The following NCAPG variants were observed in gnomAD, a reference collection of about 807,000 sequenced individuals.
NCAPG encodes the protein non-SMC condensin I complex subunit G, also known as condensin complex subunit 3.
A neutral mutation model predicts 113.1 loss-of-function variants in NCAPG; 69 were observed. The observed-to-expected ratio is 0.61, with a 90% CI of 0.50 to 0.75. The LOEUF (loss-of-function observed/expected upper bound fraction) is 0.75. Among genes scored for constraint, NCAPG ranks in the 30% least tolerant of loss-of-function variants. NCAPG has a pLI of 0.00. For missense variants in NCAPG, 1,058 were observed against 1,177.0 expected (o/e 0.90, Z 1.48); for synonymous variants, 370 against 415.8 (o/e 0.89, Z 1.34).
At position 17,811,639 on chromosome 4, in the gene NCAPG, C is replaced by G. The variant is rs1054552820; in HGVS notation, c.111+451C>G. Among the ~76,000 whole-genome samples the G allele has an allele frequency of 2.6e-5, 4 of 152,182 alleles. No homozygotes were observed. Among genetic ancestry groups the G allele is most frequent in the African/African-American group, 9.7e-5 (4 of 41,438 alleles). ...TGATTCTACCCTTGTCCTACGGTTA[C>G]GTTGAATCCAATCACCAAATACCAA... On this transcript the variant is annotated intron_variant, in intron 1 of 20. Coordinates refer to ENST00000251496, the MANE Select transcript of NCAPG (RefSeq NM_022346.5). This position sits in a 1 kb window ranked among gnomAD's most constrained non-coding sequence, Gnocchi z 5.3.
intron 12 of NCAPG, 31 bp from the exon 13 acceptor site, chr4:17,830,966 A>C (rs764490441): frequency 1.3e-6 from 2 of 1,597,738 alleles, no homozygotes; most frequent in East Asian, 4.5e-5. Flanking sequence ...AGATCTATGA[A>C]ATCATATGGA....
rs748530489 is a variant in NCAPG, at chr4:17,825,544, G to A, written c.1636G>A (p.Glu546Lys). The A allele has an allele frequency of 4.4e-6, 7 of 1,594,582 alleles. No individual in the cohort carries two copies. Among genetic ancestry groups the A allele is most frequent in the Non-Finnish European group, 5.1e-6 (6 of 1,174,962 alleles). Residue 546 changes from glutamate (E) to lysine (K), a missense_variant, in exon 11 of 21, where the codon GAA becomes AAA. Glu to Lys is a moderately conservative substitution (Grantham distance 56, BLOSUM62 1). Coordinates refer to ENST00000251496, the MANE Select transcript of NCAPG (RefSeq NM_022346.5). Reference sequence around the variant, plus strand: ...AGAGACAGAGCAACTTGAAATTAAAGAAGTCCACATAGAGAAGGTACAGGT... The same window carrying A: ...AGAGACAGAGCAACTTGAAATTAAAAAAGTCCACATAGAGAAGGTACAGGT... ...LKETEQLEIK[E>K]VHIEKNDAET... is the part of the protein sequence containing the mutation.
At chr4:17,830,917 A>G in intron 12 of NCAPG, 80 bp from the exon 13 acceptor site, 1 of 1,410,056 alleles carries the variant, frequency 7.1e-7, no homozygotes, top group Non-Finnish European at 9.7e-7. Context: ...AAAGTGAAAA[A>G]TGACACCTTT....
intron 20 of NCAPG, 52 bp downstream of exon 20, chr4:17,842,431 C>T (rs1163920644): frequency 6.8e-7 from 1 of 1,468,614 alleles, no homozygotes; most frequent in Admixed American, 1.8e-5. Context: ...CTTTTTATTT[C>T]TACAAGTAGA....
chr4:17,811,095 G>A lies in NCAPG; in HGVS notation c.18G>A (p.Arg6=). 2.0e-6 allele frequency: 3 copies of A among 1,527,770 alleles called. No individual in the cohort carries two copies. The highest frequency in any genetic ancestry group is 2.6e-6 in the Non-Finnish European group (3 of 1,137,160). 94.6% of individuals were successfully genotyped at this position (1,527,770 alleles called of 1,614,324 possible). ...CCAGAGCCATGGGAGCGGAAAGGAG[G>A]CTGCTGTCGATTAAGGAGGCCTTTC... MGAER[R]LLSIKEAFRL... is the part of the protein sequence containing the mutation. The change falls in exon 1 of 21, where the codon AGG becomes AGA. Residue 6 remains arginine (R), a synonymous_variant. Coordinates refer to ENST00000251496, the MANE Select transcript of NCAPG (RefSeq NM_022346.5). This position sits in a 1 kb window ranked among gnomAD's most constrained non-coding sequence, Gnocchi z 5.3.
At chr4:17,828,031 C>A (rs1231827440) in intron 11 of NCAPG, among the ~76,000 whole-genome samples, 1 of 151,984 alleles carries the variant, frequency 6.6e-6, no homozygotes, top group African/African-American at 2.4e-5. Context: ...AAATTCCTGA[C>A]CTTAAGTGAT....
At chr4:17,816,357 C>T (rs948599054) in intron 5 of NCAPG, among the ~76,000 whole-genome samples, 1 of 152,170 alleles carries the variant, frequency 6.6e-6, no homozygotes, top group African/African-American at 2.4e-5. Context: ...TTACCTCCTC[C>T]TGTGCGGCCC....
At chr4:17,815,153 G>A (rs1721150979) in intron 4 of NCAPG, 121 bp from the exon 5 acceptor site, 1 of 1,235,086 alleles carries the variant, frequency 8.1e-7, no homozygotes. Flanking sequence ...ACTGTATTAA[G>A]TATGTTACCA....
chr4:17,830,919 G>T (rs1477521225), intron 12 of NCAPG, 78 bp from the exon 13 acceptor site: 2 of 1,411,094 alleles, frequency 1.4e-6, no homozygotes, highest in South Asian at 1.3e-5. Context: ...AGTGAAAAAT[G>T]ACACCTTTGA....
chr4:17,840,276 A>T (rs1311076085), intron 18 of NCAPG, 67 bp downstream of exon 18: 2 of 1,430,064 alleles, frequency 1.4e-6, no homozygotes, highest in African/African-American at 1.5e-5. Flanking sequence ...ACTGAGACAT[A>T]TTTTTTTCTA....
chr4:17,833,262 T>C (rs1721945394), intron 13 of NCAPG, among the ~76,000 whole-genome samples: 1 of 151,480 alleles, frequency 6.6e-6, no homozygotes, highest in Admixed American at 6.6e-5. Context: ...TCCCAGCTAC[T>C]CAGGAGGCTG....
chr4:17,836,416 C>G (rs1174124184), intron 14 of NCAPG, among the ~76,000 whole-genome samples: 1 of 152,066 alleles, frequency 6.6e-6, no homozygotes, highest in Non-Finnish European at 1.5e-5. Flanking sequence ...TGTTAATATA[C>G]TTAGATGTAT....
intron 14 of NCAPG, among the ~76,000 whole-genome samples, chr4:17,834,910 G>A (rs997380954): frequency 2.0e-5 from 3 of 152,050 alleles, no homozygotes; most frequent in African/African-American, 7.2e-5. Flanking sequence ...CTATCAAATT[G>A]TATATGCAAA....
At chr4:17,823,383 A>G (rs1721535326) in intron 8 of NCAPG, among the ~76,000 whole-genome samples, 1 of 152,164 alleles carries the variant, frequency 6.6e-6, no homozygotes. Flanking sequence ...AGCATTTTCT[A>G]AAAGGTTTAA....
chr4:17,825,482 TA>T lies in NCAPG; in HGVS notation c.1578del (p.Ala527HisfsTer2). ...FNRASELKEE[I>X]KALEDARINL... ...CGGGCATCAGAATTAAAAGAAGAAA[TA>T]AAAGCATTAGAAGATGCCAGAATAA... On this transcript the variant is annotated frameshift_variant, in exon 11 of 21. Transcript: ENST00000251496. LOFTEE classifies it high-confidence loss of function. 3.7e-6 allele frequency: 6 copies of T among 1,609,770 alleles called. No homozygotes were observed. The highest frequency in any genetic ancestry group is 4.2e-6 in the Non-Finnish European group (5 of 1,178,492).
intron 5 of NCAPG, among the ~76,000 whole-genome samples, chr4:17,815,850 A>G (rs551978955): frequency 4.6e-5 from 7 of 152,256 alleles, no homozygotes; most frequent in Middle Eastern, 3.4e-3. Flanking sequence ...GAAGGAGCAG[A>G]GCTTATTTCT....
chr4:17,818,911 G>A (rs1303806746), intron 7 of NCAPG, among the ~76,000 whole-genome samples: 1 of 152,118 alleles, frequency 6.6e-6, no homozygotes, highest in Non-Finnish European at 1.5e-5. Flanking sequence ...TAAAAATGTG[G>A]AATTCCCTCT....
rs576097253 is a variant in NCAPG at position 17,817,692 on chromosome 4, C to T, written c.968+239C>T. Among the ~76,000 whole-genome samples, 3 of 152,168 alleles carry T rather than the reference C, an allele frequency of 2.0e-5. No individual in the cohort carries two copies. In the East Asian group the frequency reaches 5.8e-4, roughly 29 times the overall value. On this transcript the variant is annotated intron_variant, in intron 6 of 20. Coordinates refer to ENST00000251496, the MANE Select transcript of NCAPG (RefSeq NM_022346.5). ...TGCTTTTCCCCCCTTCAGTTTCTTACTTTGATTTTTGAATTAGCCTACCAT... is the reference window on the plus strand; with the variant it reads ...TGCTTTTCCCCCCTTCAGTTTCTTATTTTGATTTTTGAATTAGCCTACCAT...
Position 17,828,403 on chromosome 4 carries a change from T to A in NCAPG, c.1764+15T>A. 2 of 1,499,532 alleles carry A rather than the reference T, an allele frequency of 1.3e-6. No individual in the cohort carries two copies. Among genetic ancestry groups the A allele is most frequent in the Non-Finnish European group, 9.2e-7 (1 of 1,087,296 alleles). The allele number at this position is 1,499,532 out of a possible 1,614,324, so 92.9% of individuals were successfully genotyped here. On this transcript the variant is annotated intron_variant, in intron 12 of 20. Coordinates refer to ENST00000251496, the MANE Select transcript of NCAPG (RefSeq NM_022346.5). Reference sequence around the variant, plus strand: ...TCGAATCTTTGGTATGTTGATGGCCTCTTGGGCTTTATTTTAGTCCACTCC... The same window carrying A: ...TCGAATCTTTGGTATGTTGATGGCCACTTGGGCTTTATTTTAGTCCACTCC...
Sources: allele counts gnomAD v4.1 joint callset (sites outside exome capture counted in the v4.1 genomes callset), GRCh38; gene constraint gnomAD v4.1.1; non-coding constraint Gnocchi (gnomAD v3.1); transcripts MANE v1.5; gene names NCBI Gene and HGNC (gene_info 2026-07-23, HGNC 2026-07-21).